CEACAM8: variants seen among roughly 807,000 people sequenced by gnomAD.
The protein encoded by CEACAM8 is CEA cell adhesion molecule 8.
In CEACAM8, 31 loss-of-function variants were observed where a neutral mutation model predicts 33.4. The ratio of observed to expected loss-of-function variants is 0.93; its 90% CI spans 0.70 to 1.25. The LOEUF is 1.25. Ranked by LOEUF, CEACAM8 falls within the 50% of genes most tolerant of loss-of-function variation. CEACAM8 has a pLI of 0.00. For synonymous variants in CEACAM8, 138 were observed against 164.5 expected, an observed-to-expected ratio of 0.84 and a Z score of 1.23; for missense variants, 388 against 434.6, an observed-to-expected ratio of 0.89 and a Z score of 0.95.
chr19:42,592,878 C>T (rs2042470860), intron 2 of CEACAM8, among the ~76,000 whole-genome samples: 1 of 152,202 alleles, frequency 6.6e-6, no homozygotes, highest in East Asian at 1.9e-4. Context: ...ATGGAGTCTC[C>T]TAAGCCTCCC....
chr19:42,591,187 T>A (rs2042432331), intron 2 of CEACAM8, among the ~76,000 whole-genome samples: 1 of 152,220 alleles, frequency 6.6e-6, no homozygotes, highest in Non-Finnish European at 1.5e-5. Context: ...GGAGGAAACA[T>A]GAATTTTTTT....
chr19:42,586,847 A>G (rs11878991), intron 4 of CEACAM8, among the ~76,000 whole-genome samples: 4,623 of 152,290 alleles, frequency 0.03, 244 homozygotes, highest in African/African-American at 0.1. Context: ...TAAGGGATCA[A>G]TTTTCAGAGT....
chr19:42,582,517 G>T (rs955440440), intron 5 of CEACAM8, among the ~76,000 whole-genome samples: 3 of 152,190 alleles, frequency 2.0e-5, no homozygotes, highest in African/African-American at 7.2e-5. Context: ...ATTAATGCTA[G>T]AGTCGTTGTT....
At chr19:42,588,745 C>T (rs2042377807) in intron 4 of CEACAM8, 39 bp downstream of exon 4, 8 of 1,609,416 alleles carry the variant, frequency 5.0e-6, no homozygotes, top group African/African-American at 2.7e-5. Flanking sequence ...ATAGACTCTA[C>T]CAGAAAACAT....
intron 2 of CEACAM8, among the ~76,000 whole-genome samples, chr19:42,591,268 T>C (rs1341218931): frequency 6.6e-6 from 1 of 152,224 alleles, no homozygotes; most frequent in Non-Finnish European, 1.5e-5. Context: ...TTTCTCTTGA[T>C]AACAAAATAA....
intron 4 of CEACAM8, among the ~76,000 whole-genome samples, chr19:42,588,128 C>T (rs1350551488): frequency 2.0e-5 from 3 of 152,184 alleles, no homozygotes; most frequent in South Asian, 2.1e-4. Context: ...GGAGTCTTCC[C>T]GGAGGCTCCC....
intron 4 of CEACAM8, among the ~76,000 whole-genome samples, 185 bp downstream of exon 4, chr19:42,588,599 G>A (rs959809200): frequency 7.9e-5 from 12 of 152,294 alleles, no homozygotes; most frequent in Non-Finnish European, 1.6e-4. Flanking sequence ...TCAGCCAAGA[G>A]AAATCAGAAA....
At position 42,588,839 on chromosome 19, in the gene CEACAM8, G is replaced by A. The variant is rs2042380180; in HGVS notation, c.903C>T (p.Thr301=). The change falls in exon 4 of 6, where the codon ACC becomes ACT. Residue 301 remains threonine, a synonymous_variant. Transcript: ENST00000244336. ...TKNSGSYACH[T]TNSATGRNRT... is the part of the protein sequence containing the mutation. ...TGTTGCGGCCAGTGGCTGAGTTAGT[G>A]GTGTGGCAGGCATAGGATCCGCTGT... 4 of 1,614,082 alleles carry A rather than the reference G, an allele frequency of 2.5e-6. No homozygotes were observed. The East Asian group carries it at 8.9e-5, about 36-fold the overall frequency.
intron 4 of CEACAM8, among the ~76,000 whole-genome samples, chr19:42,585,313 C>CAAA (rs34190972): frequency 0.13 from 7,835 of 61,602 alleles, 383 homozygotes; most frequent in Admixed American, 0.24. Flanking sequence ...CTCTCTCTCT[C>CAAA]AAAAAAAAAA....
intron 4 of CEACAM8, among the ~76,000 whole-genome samples, chr19:42,587,386 C>T (rs2042353824): frequency 6.6e-6 from 1 of 152,108 alleles, no homozygotes; most frequent in African/African-American, 2.4e-5. Flanking sequence ...TGAGGTGTAT[C>T]CATACAATGG....
At chr19:42,591,326 G>A (rs1019788725) in intron 2 of CEACAM8, among the ~76,000 whole-genome samples, 21 of 152,184 alleles carry the variant, frequency 1.4e-4, no homozygotes, top group Admixed American at 9.8e-4. Context: ...ATGCTCAAAG[G>A]AAGATCCTGA....
intron 2 of CEACAM8, 139 bp from the exon 3 acceptor site, chr19:42,589,874 A>G: frequency 6.6e-7 from 1 of 1,505,650 alleles, no homozygotes; most frequent in Non-Finnish European, 9.0e-7. Flanking sequence ...GTGTGTCACA[A>G]GACAGATGCA....
chr19:42,590,535 C>T (rs45503698), intron 2 of CEACAM8, among the ~76,000 whole-genome samples: 1,588 of 152,188 alleles, frequency 0.01, 34 homozygotes, highest in African/African-American at 0.035. Context: ...TGCAAACTGA[C>T]GGGTGGGGAG....
chr19:42,588,805 CTG>C lies in CEACAM8; in HGVS notation c.935_936del (p.Thr312SerfsTer8). ...TNSATGRNRT[T>X]VRMITVSDAL... Reference sequence around the variant, plus strand: ...TTACCAGAGACTGTGATCATCCTGACTGTGGTCCTGTTGCGGCCAGTGGCTGA... The same window carrying C: ...TTACCAGAGACTGTGATCATCCTGACTGGTCCTGTTGCGGCCAGTGGCTGA... On this transcript the variant is annotated frameshift_variant, in exon 4 of 6. Coordinates refer to ENST00000244336, the MANE Select transcript of CEACAM8 (RefSeq NM_001816.4). LOFTEE classifies it high-confidence loss of function. 1 of 1,614,196 alleles carries C rather than the reference CTG, an allele frequency of 6.2e-7. No individual in the cohort carries two copies.
intron 1 of CEACAM8, 69 bp from the exon 2 acceptor site, chr19:42,593,969 G>C: frequency 6.7e-7 from 1 of 1,492,832 alleles, no homozygotes; most frequent in Non-Finnish European, 9.0e-7. Flanking sequence ...GGGGACATCA[G>C]CTTTGGAGTT....
chr19:42,590,468 C>T (rs528356223), intron 2 of CEACAM8, among the ~76,000 whole-genome samples: 32 of 152,158 alleles, frequency 2.1e-4, no homozygotes, highest in Non-Finnish European at 3.8e-4. Flanking sequence ...TCTTTCCCTG[C>T]GGGGGGCAGA....
rs2042252885 is a variant in CEACAM8, at chr19:42,581,134, ATGAAATTC to A, written c.*252_*259del. 1 of 152,142 alleles carries A rather than the reference ATGAAATTC, an allele frequency of 6.6e-6. No homozygotes were observed. The highest frequency in any genetic ancestry group is 2.1e-4 in the South Asian group (1 of 4,832). The allele number at this position is 152,142 out of a possible 1,614,324, so 9.4% of individuals were successfully genotyped here. On this transcript the variant is annotated 3_prime_UTR_variant, in exon 6 of 6. Transcript: ENST00000244336. ...ATTATCCTCATTATTATTTAGTTCA[ATGAAATTC>A]ATGTTTTTTTCCTTCTGTGTTTTGG...
Position 42,593,995 on chromosome 19 carries a change from G to A in CEACAM8, c.65-95C>T, listed in dbSNP as rs1462772835. On this transcript the variant is annotated intron_variant, in intron 1 of 5. Transcript: ENST00000244336. ...CTTTGGAGTTTGTGTGTTTTTATGT[G>A]TGTGTATGTGTGTGTGTCCTACTGA... 3 of 1,261,944 alleles carry A rather than the reference G, an allele frequency of 2.4e-6. No homozygotes were observed. The African/African-American group carries it at 4.5e-5, about 19-fold the overall frequency. 78.2% of individuals were successfully genotyped at this position (1,261,944 alleles called of 1,614,324 possible). A position where few individuals can be genotyped will look rare whatever the true frequency, so the allele number is the denominator to read the frequency against.
chr19:42,583,056 GA>G (rs1719605574), intron 5 of CEACAM8, 149 bp downstream of exon 5: 1 of 592,556 alleles, frequency 1.7e-6, no homozygotes, highest in Non-Finnish European at 3.0e-6. Context: ...GGAGCATGCA[GA>G]CCAGGGAAGA....
Sources: allele counts gnomAD v4.1 joint callset (sites outside exome capture counted in the v4.1 genomes callset), GRCh38; gene constraint gnomAD v4.1.1; transcripts MANE v1.5; gene names NCBI Gene and HGNC (gene_info 2026-07-23, HGNC 2026-07-21).